Variants in PDS5A observed in about 807,000 individuals in gnomAD.
PDS5A encodes the protein sister chromatid cohesion protein PDS5 homolog A.
PDS5A carries 42 observed loss-of-function variants against 167.1 expected under a neutral mutation model. That is an observed-to-expected ratio of 0.25 (90% CI 0.20 to 0.33). The LOEUF (loss-of-function observed/expected upper bound fraction) is 0.33, where lower values mean the gene tolerates loss of function less well. Ranked by LOEUF, PDS5A falls within the 10% of genes least tolerant of loss-of-function variation. PDS5A has a pLI of 1.00. For synonymous variants in PDS5A, 553 were observed against 554.6 expected (o/e 1.00, Z 0.04); for missense variants, 1,033 against 1,605.9 (o/e 0.64, Z 6.10).
At chr4:39,942,355 AAT>A (rs1727302302) in intron 2 of PDS5A, among the ~76,000 whole-genome samples, 1 of 152,150 alleles carries the variant, frequency 6.6e-6, no homozygotes, top group South Asian at 2.1e-4. Flanking sequence ...TAAATATGTG[AAT>A]ATGTCCTAGA....
At chr4:39,885,427 G>A (rs942838528) in intron 17 of PDS5A, among the ~76,000 whole-genome samples, 3 of 150,252 alleles carry the variant, frequency 2.0e-5, no homozygotes, top group African/African-American at 7.4e-5. Flanking sequence ...CGGCAAAACT[G>A]CTTCTCTACT....
At chr4:39,955,571 A>AG in intron 2 of PDS5A, among the ~76,000 whole-genome samples, 1 of 152,044 alleles carries the variant, frequency 6.6e-6, no homozygotes, top group African/African-American at 2.4e-5. Flanking sequence ...ACTGTGCTCC[A>AG]GCCCGGGTGA....
At chr4:39,914,507 C>T (rs978535247) in intron 8 of PDS5A, among the ~76,000 whole-genome samples, 1 of 152,030 alleles carries the variant, frequency 6.6e-6, no homozygotes, top group African/African-American at 2.4e-5. Context: ...GAGAATACGA[C>T]ACTACAGAAT....
intron 31 of PDS5A, among the ~76,000 whole-genome samples, chr4:39,839,486 T>C (rs923836440): frequency 6.6e-6 from 1 of 151,948 alleles, no homozygotes; most frequent in Admixed American, 6.6e-5. Flanking sequence ...GGAGAATGGT[T>C]TGAACCCAGG....
rs146609400 is a variant in PDS5A at position 39,901,585 on chromosome 4, A to G, written c.1499+762T>C. On this transcript the variant is annotated intron_variant, in intron 13 of 32. Transcript: ENST00000303538. ...ACGTCCGGCCTAAAAATGCAGTCTT[A>G]ATCTAATAATGCAGGAACACTTGAA... 9.5e-3 allele frequency among the ~76,000 whole-genome samples: 1,443 copies of G among 152,190 alleles called. 13 individuals are homozygous for G. The highest frequency in any genetic ancestry group is 0.031 in the Middle Eastern group (9 of 290).
chr4:39,895,956 C>T (rs1256282988), intron 16 of PDS5A, among the ~76,000 whole-genome samples: 1 of 151,556 alleles, frequency 6.6e-6, no homozygotes, highest in African/African-American at 2.4e-5. Context: ...GATCTCCCGA[C>T]CTCATGATCT....
chr4:39,875,632 T>C (rs1215362446), intron 19 of PDS5A, among the ~76,000 whole-genome samples: 3 of 152,178 alleles, frequency 2.0e-5, no homozygotes, highest in Admixed American at 6.5e-5. Flanking sequence ...TGATTTGACA[T>C]GTATAAATAT....
At chr4:39,948,240 AAAAG>A in intron 2 of PDS5A, among the ~76,000 whole-genome samples, 1 of 151,376 alleles carries the variant, frequency 6.6e-6, no homozygotes, top group South Asian at 2.1e-4. Flanking sequence ...GAAAGAAAGA[AAAAG>A]AAAAGAGAAA....
At chr4:39,931,891 CTTTTTT>C (rs372230505) in intron 2 of PDS5A, among the ~76,000 whole-genome samples, 2 of 136,110 alleles carry the variant, frequency 1.5e-5, no homozygotes, top group Non-Finnish European at 3.2e-5. Context: ...GGTCAGGTGA[CTTTTTT>C]TTTTTTTTTT....
At chr4:39,961,350 G>A (rs1214679205) in intron 2 of PDS5A, among the ~76,000 whole-genome samples, 1 of 152,008 alleles carries the variant, frequency 6.6e-6, no homozygotes, top group Non-Finnish European at 1.5e-5. Context: ...CCAGGCTGAA[G>A]GGTAGTGGCG....
rs1450867343 is a variant in PDS5A at position 39,917,033 on chromosome 4, ACTGGTC to A, written c.876+9_876+14del. 2.1e-6 allele frequency: 3 copies of A among 1,414,508 alleles called. No individual in the cohort carries two copies. The highest frequency in any genetic ancestry group is 9.3e-7 in the Non-Finnish European group (1 of 1,078,910). The allele number at this position is 1,414,508 out of a possible 1,614,324, so 87.6% of individuals were successfully genotyped here. A position where few individuals can be genotyped will look rare whatever the true frequency, so the allele number is the denominator to read the frequency against. On this transcript the variant is annotated intron_variant, in intron 8 of 32. Coordinates refer to ENST00000303538, the MANE Select transcript of PDS5A (RefSeq NM_001100399.2). ...AAAAAATTAAAAAAAAAAAAAGAAA[ACTGGTC>A]AATCTTACCTTTAGTTTGAATTCAA...
In PDS5A at chr4:39,838,087, G is replaced by A. The variant is rs200621682; in HGVS notation, c.3779C>T (p.Ser1260Leu). 8.6e-5 allele frequency: 138 copies of A among 1,613,736 alleles called. No individual in the cohort carries two copies. The African/African-American group carries it at 1.7e-3, about 19-fold the overall frequency. ...QQKTDEKVDE[S>L]GPPAPSKPRR... is the part of the protein sequence containing the mutation. ...GGGTTTGGAAGGGGCGGGAGGTCCC[G>A]ATTCATCTACTTTCTCATCTGTTTT... Residue 1260 changes from serine (S) to leucine (L), a missense_variant, in exon 32 of 33, where the codon TCG becomes TTG. By Grantham distance (145) the Ser-to-Leu change is moderately radical. This residue lies in a region of PDS5A where 233 missense variants were observed against 264.0 expected (regional missense o/e 0.88). Coordinates refer to ENST00000303538, the MANE Select transcript of PDS5A (RefSeq NM_001100399.2).
At chr4:39,845,120 A>C (rs1255655964) in intron 29 of PDS5A, among the ~76,000 whole-genome samples, 1 of 152,138 alleles carries the variant, frequency 6.6e-6, no homozygotes, top group African/African-American at 2.4e-5. Context: ...AGGCATGAGA[A>C]TTGCCTGAAC....
intron 23 of PDS5A, among the ~76,000 whole-genome samples, chr4:39,866,058 G>C (rs1186276504): frequency 6.6e-6 from 1 of 152,170 alleles, no homozygotes; most frequent in East Asian, 1.9e-4. Context: ...ACCCAAATCT[G>C]TAGAACAACA....
intron 30 of PDS5A, among the ~76,000 whole-genome samples, chr4:39,842,927 A>AG (rs1717185564): frequency 7.4e-6 from 1 of 135,702 alleles, no homozygotes; most frequent in African/African-American, 2.9e-5. Context: ...ATATATATAT[A>AG]TATATATATA....
In PDS5A at chr4:39,970,292, T is replaced by C. The variant is rs963798276; in HGVS notation, c.138+6148A>G. ...AAACCAACCGAAGACCACTGTGGCC[T>C]GACATAACAAAAATAGGTAAAGTAA... On this transcript the variant is annotated intron_variant, in intron 2 of 32. Transcript: ENST00000303538. Among the ~76,000 whole-genome samples, 5 of 152,018 alleles carry C rather than the reference T, an allele frequency of 3.3e-5. No homozygotes were observed. In the South Asian group the frequency reaches 6.2e-4, roughly 19 times the overall value.
At chr4:39,844,489 A>C (rs896988652) in intron 30 of PDS5A, among the ~76,000 whole-genome samples, 167 bp downstream of exon 30, 3 of 151,904 alleles carry the variant, frequency 2.0e-5, no homozygotes, top group East Asian at 1.9e-4. Context: ...AAAAAAAAAA[A>C]AAAAACAAAA....
In PDS5A at chr4:39,848,704, G is replaced by C. The variant is rs989924507; in HGVS notation, c.3339+147C>G. 10 of 659,050 alleles carry C rather than the reference G, an allele frequency of 1.5e-5. No homozygotes were observed. In the African/African-American group the frequency reaches 1.8e-4, roughly 12 times the overall value. The allele number at this position is 659,050 out of a possible 1,614,324, so 40.8% of individuals were successfully genotyped here. A position where few individuals can be genotyped will look rare whatever the true frequency, so the allele number is the denominator to read the frequency against. Reference sequence around the variant, plus strand: ...TCAAGTCAGAATAATGTTCAGGGCTGTGTAAGACAATTTCCCACTCTTTGA... The same window carrying C: ...TCAAGTCAGAATAATGTTCAGGGCTCTGTAAGACAATTTCCCACTCTTTGA... On this transcript the variant is annotated intron_variant, in intron 28 of 32. Transcript: ENST00000303538.
chr4:39,974,585 C>T lies in PDS5A; in HGVS notation c.138+1855G>A, dbSNP rs566491763. On this transcript the variant is annotated intron_variant, in intron 2 of 32. Transcript: ENST00000303538. ...TTGAGATGAAGTTTCACTCCTGTTG[C>T]CCAGGCTGGAGTGCAATGGCGCGAT... 5.8e-4 allele frequency among the ~76,000 whole-genome samples: 88 copies of T among 152,196 alleles called. 1 individual carries two copies. The highest frequency in any genetic ancestry group is 2.0e-3 in the African/African-American group (85 of 41,542).
Sources: allele counts gnomAD v4.1 joint callset (sites outside exome capture counted in the v4.1 genomes callset), GRCh38; gene constraint gnomAD v4.1.1; regional missense constraint gnomAD v4.1.1; transcripts MANE v1.5; gene names NCBI Gene and HGNC (gene_info 2026-07-23, HGNC 2026-07-21).